RALGPS1: variants seen among roughly 807,000 people sequenced by gnomAD.
RALGPS1 encodes the protein Ral GEF with PH domain and SH3 binding motif 1.
Under a neutral mutation model 78.8 loss-of-function variants are expected in RALGPS1, and 19 were observed. The ratio of observed to expected loss-of-function variants is 0.24; its 90% CI spans 0.17 to 0.35. RALGPS1 has a LOEUF of 0.35. Among genes scored for constraint, RALGPS1 ranks in the 10% least tolerant of loss-of-function variants. The probability of loss-of-function intolerance (pLI) is 1.00; values close to 1 mark genes in which losing one functional copy is unlikely to be tolerated. For missense variants in RALGPS1, 454 were observed against 688.3 expected (o/e 0.66, Z 3.81); for synonymous variants, 228 against 256.3 (o/e 0.89, Z 1.06).
rs754289869 is a variant in RALGPS1 at position 127,108,083 on chromosome 9, G to A, written c.610+38727G>A. ...TAGACCCGGGGCGGGGCAGCGGGGG[G>A]TGGCTGGGGGACGGGCCTGGCCGAG... On this transcript the variant is annotated intron_variant, in intron 8 of 18. Transcript: ENST00000259351. 9.9e-6 allele frequency: 16 copies of A among 1,610,940 alleles called. 1 individual carries two copies. The Admixed American group carries it at 2.7e-4, about 27-fold the overall frequency.
intron 9 of RALGPS1, among the ~76,000 whole-genome samples, chr9:127,166,551 CG>C (rs1396502562): frequency 6.6e-6 from 1 of 152,108 alleles, no homozygotes; most frequent in Non-Finnish European, 1.5e-5. Context: ...CAAGCAGATT[CG>C]GGGACCAGCC....
chr9:127,212,536 C>T lies in RALGPS1; in HGVS notation c.1354-91C>T, dbSNP rs189333112. On this transcript the variant is annotated intron_variant, in intron 15 of 18. Transcript: ENST00000259351. The surrounding 1 kb of genome is among the most constrained non-coding windows in gnomAD (Gnocchi z 6.0). ...AGGGAAGAGATGGGGCCTGCACTGG[C>T]ATTGATGGGATGGCTGGGTCTGTAA... 254 of 901,378 alleles carry T rather than the reference C, an allele frequency of 2.8e-4. 1 individual carries two copies. Among genetic ancestry groups the T allele is most frequent in the African/African-American group, 1.6e-3 (95 of 59,768 alleles). The allele number at this position is 901,378 out of a possible 1,614,324, so 55.8% of individuals were successfully genotyped here. A position where few individuals can be genotyped will look rare whatever the true frequency, so the allele number is the denominator to read the frequency against.
At chr9:126,952,374 G>A (rs2037905775) in intron 1 of RALGPS1, among the ~76,000 whole-genome samples, 3 of 152,280 alleles carry the variant, frequency 2.0e-5, no homozygotes, top group South Asian at 4.1e-4. Flanking sequence ...AGTGGAGTGA[G>A]TGATGGCCAT....
chr9:127,199,448 C>T (rs1230083667), intron 14 of RALGPS1, among the ~76,000 whole-genome samples: 3 of 152,174 alleles, frequency 2.0e-5, no homozygotes, highest in Non-Finnish European at 4.4e-5. Flanking sequence ...ATATTGCACC[C>T]TAATGGCCTC....
chr9:126,977,750 G>C lies in RALGPS1; in HGVS notation c.216+5G>C. 6.3e-7 allele frequency: 1 copy of C among 1,596,430 alleles called. No homozygotes were observed. Among genetic ancestry groups the C allele is most frequent in the Non-Finnish European group, 8.6e-7 (1 of 1,168,534 alleles). Reference sequence around the variant, plus strand: ...TTTAAAGCTATCCAGCCGGAGGTCTGTACTTTGTCTTTCTACTCTTCTATT... The same window carrying C: ...TTTAAAGCTATCCAGCCGGAGGTCTCTACTTTGTCTTTCTACTCTTCTATT... On this transcript the variant is annotated splice_donor_5th_base_variant and intron_variant, in intron 4 of 18. Coordinates refer to ENST00000259351, the MANE Select transcript of RALGPS1 (RefSeq NM_014636.3).
In RALGPS1 at chr9:127,034,481, T is replaced by C. The variant is rs1183177401; in HGVS notation, c.267T>C (p.Pro89=). The part of the protein sequence containing the change: ...WSKKEKHSLA[P]NVVAFTRRFN... ...AGAAGGAGAAACACAGTCTTGCCCC[T>C]AACGTTGTGGCCTTTACCCGGAGGT... Residue 89 remains proline, a synonymous_variant, in exon 5 of 19, where the codon CCT becomes CCC. Transcript: ENST00000259351. The C allele has an allele frequency of 6.2e-7, 1 of 1,614,132 alleles. No homozygotes were observed. Among genetic ancestry groups the C allele is most frequent in the South Asian group, 1.1e-5 (1 of 91,082 alleles).
chr9:126,985,024 A>G (rs1028184841), intron 4 of RALGPS1, among the ~76,000 whole-genome samples: 2 of 152,182 alleles, frequency 1.3e-5, no homozygotes, highest in African/African-American at 4.8e-5. Context: ...TTCCTTCTCA[A>G]CTTACTCCTT....
chr9:127,200,155 C>T (rs570400122), intron 14 of RALGPS1, among the ~76,000 whole-genome samples: 10 of 152,144 alleles, frequency 6.6e-5, no homozygotes, highest in Non-Finnish European at 1.3e-4. Context: ...TATGCATACA[C>T]GCACACACAC....
intron 4 of RALGPS1, among the ~76,000 whole-genome samples, chr9:127,012,914 A>G (rs1162717294): frequency 6.6e-6 from 1 of 152,176 alleles, no homozygotes. Context: ...TCGAAGATGA[A>G]TGAGGAATCC....
At chr9:127,036,322 CGTT>C (rs769055985) in intron 5 of RALGPS1, among the ~76,000 whole-genome samples, 2 of 152,228 alleles carry the variant, frequency 1.3e-5, no homozygotes, top group Non-Finnish European at 2.9e-5. Context: ...GGGATGAACT[CGTT>C]GGCGTCCCTT....
intron 3 of RALGPS1, among the ~76,000 whole-genome samples, chr9:126,977,039 C>T (rs775389662): frequency 6.6e-6 from 1 of 152,156 alleles, no homozygotes; most frequent in Non-Finnish European, 1.5e-5. Context: ...AGGACAGATA[C>T]TTAAAATGTA....
At chr9:126,941,072 T>C (rs2036732996) in intron 1 of RALGPS1, among the ~76,000 whole-genome samples, 1 of 152,098 alleles carries the variant, frequency 6.6e-6, no homozygotes. Flanking sequence ...TCACATGTGT[T>C]ATAAAGATTT....
At chr9:127,069,176 A>T in intron 7 of RALGPS1, 54 bp from the exon 8 acceptor site, 1 of 1,519,052 alleles carries the variant, frequency 6.6e-7, no homozygotes, top group Non-Finnish European at 9.0e-7. Context: ...ACAGTTATCC[A>T]CTCTTTAGCT....
intron 11 of RALGPS1, among the ~76,000 whole-genome samples, chr9:127,182,434 CTTT>C (rs758462743): frequency 4.4e-5 from 5 of 114,756 alleles, no homozygotes; most frequent in East Asian, 2.8e-4. Flanking sequence ...TCCTTCCTTC[CTTT>C]TTTTTTTTTT....
At chr9:127,011,223 G>C (rs775162955) in intron 4 of RALGPS1, among the ~76,000 whole-genome samples, 14 of 152,032 alleles carry the variant, frequency 9.2e-5, no homozygotes, top group Non-Finnish European at 1.8e-4. Flanking sequence ...TGTTGTCCAG[G>C]CTGGAGTGCA....
intron 8 of RALGPS1, among the ~76,000 whole-genome samples, chr9:127,120,867 T>G (rs1564619266): frequency 6.6e-6 from 1 of 152,050 alleles, no homozygotes; most frequent in Non-Finnish European, 1.5e-5. Context: ...GCTCTTCCCT[T>G]CCCTCTGTGC....
At chr9:126,988,303 G>C (rs2041987440) in intron 4 of RALGPS1, among the ~76,000 whole-genome samples, 1 of 152,208 alleles carries the variant, frequency 6.6e-6, no homozygotes, top group Admixed American at 6.5e-5. Context: ...CAGGCAGTTT[G>C]AGCTGGGCAG....
chr9:127,093,532 G>A (rs998078736), intron 8 of RALGPS1, among the ~76,000 whole-genome samples: 1 of 152,178 alleles, frequency 6.6e-6, no homozygotes, highest in Non-Finnish European at 1.5e-5. Context: ...GGAGGCGCTG[G>A]TCCTCACTAC....
chr9:126,959,826 C>T (rs746875555), intron 1 of RALGPS1, among the ~76,000 whole-genome samples: 75 of 152,164 alleles, frequency 4.9e-4, no homozygotes, highest in Non-Finnish European at 9.4e-4. Flanking sequence ...AAGACCTTTT[C>T]CTACTTAACC....
Sources: gnomAD v4.1 joint callset for allele counts (sites outside exome capture counted in the v4.1 genomes callset) on GRCh38, gnomAD v4.1.1 for gene constraint, Gnocchi (gnomAD v3.1) non-coding constraint, MANE v1.5 for transcripts, NCBI Gene and HGNC (gene_info 2026-07-23, HGNC 2026-07-21) for gene names.